PSMD4: variants seen among roughly 807,000 people sequenced by gnomAD.
PSMD4 encodes proteasome 26S subunit ubiquitin receptor, non-ATPase 4.
In PSMD4, 5 loss-of-function variants were observed where a neutral mutation model predicts 39.7. That is an observed-to-expected ratio of 0.13 (90% CI 0.07 to 0.26). PSMD4 has a LOEUF of 0.26. Ranked by LOEUF, PSMD4 falls within the 10% of genes least tolerant of loss-of-function variation. The pLI is 1.00. For missense variants in PSMD4, 272 were observed against 486.1 expected (o/e 0.56, Z 4.14); for synonymous variants, 143 against 174.6 (o/e 0.82, Z 1.43).
intron 3 of PSMD4, among the ~76,000 whole-genome samples, chr1:151,264,536 G>T (rs925683822): frequency 2.6e-5 from 4 of 151,740 alleles, no homozygotes; most frequent in Non-Finnish European, 5.9e-5. Flanking sequence ...GCTGGAACCC[G>T]GGAGGTGGAG....
At chr1:151,265,757 A>G in intron 6 of PSMD4, 148 bp downstream of exon 6, 2 of 970,604 alleles carry the variant, frequency 2.1e-6, no homozygotes, top group South Asian at 1.7e-5. Context: ...CCTCTTCCCT[A>G]TAATGCTGTC....
chr1:151,265,248 G>A lies in PSMD4; in HGVS notation c.438+14G>A, dbSNP rs764435166. 6.2e-7 allele frequency: 1 copy of A among 1,610,782 alleles called. No homozygotes were observed. Among genetic ancestry groups the A allele is most frequent in the Non-Finnish European group, 8.5e-7 (1 of 1,177,354 alleles). On this transcript the variant is annotated intron_variant, in intron 5 of 9. Coordinates refer to ENST00000368884, the MANE Select transcript of PSMD4 (RefSeq NM_002810.4). The stretch of plus-strand genomic sequence containing the variant: ...TTTGGGGAAGAGGTGAGTAGGGACT[G>A]ATTGGAGGGCATTGACTTAATTTGG...
At chr1:151,264,364 G>A (rs1693380777) in intron 3 of PSMD4, among the ~76,000 whole-genome samples, 1 of 151,450 alleles carries the variant, frequency 6.6e-6, no homozygotes. Flanking sequence ...AAAAGGCCGG[G>A]CGCGGTGGCT....
rs587615369 is a variant in PSMD4 at position 151,265,922 on chromosome 1, T to C, written c.655-82T>C. 257 of 1,481,044 alleles carry C rather than the reference T, an allele frequency of 1.7e-4. No individual in the cohort carries two copies. The African/African-American group carries it at 3.3e-3, about 19-fold the overall frequency. 91.7% of individuals were successfully genotyped at this position (1,481,044 alleles called of 1,614,324 possible). ...ACCAGAAGCTGCCCCTTTATGTTCC[T>C]TTCCCACACCCCAACTGACTTTCCC... On this transcript the variant is annotated intron_variant, in intron 6 of 9. Coordinates refer to ENST00000368884, the MANE Select transcript of PSMD4 (RefSeq NM_002810.4).
chr1:151,261,664 T>A (rs918190674), intron 1 of PSMD4, among the ~76,000 whole-genome samples: 1 of 151,926 alleles, frequency 6.6e-6, no homozygotes, highest in African/African-American at 2.4e-5. Context: ...ATTTAAAAAT[T>A]TTTTCGGCTG....
At chr1:151,256,197 A>C (rs1693161746) in intron 1 of PSMD4, among the ~76,000 whole-genome samples, 1 of 151,290 alleles carries the variant, frequency 6.6e-6, no homozygotes, top group Admixed American at 6.6e-5. Flanking sequence ...TACAAAAATT[A>C]GCCAGGCGTG....
chr1:151,266,735 C>T, intron 9 of PSMD4, 148 bp downstream of exon 9: 1 of 1,007,742 alleles, frequency 9.9e-7, no homozygotes, highest in Non-Finnish European at 1.5e-6. Context: ...GTAAACCTTG[C>T]TAAGGTAGCA....
intron 5 of PSMD4, 65 bp from the exon 6 acceptor site, chr1:151,265,329 G>A: frequency 6.3e-7 from 1 of 1,597,984 alleles, no homozygotes; most frequent in Non-Finnish European, 8.6e-7. Context: ...GCAGAGTAGT[G>A]CAGAAATGGG....
At chr1:151,263,293 G>A (rs1292469696) in intron 2 of PSMD4, among the ~76,000 whole-genome samples, 3 of 151,756 alleles carry the variant, frequency 2.0e-5, no homozygotes, top group African/African-American at 7.3e-5. Flanking sequence ...GCAAAACCCC[G>A]TCTCTACTAA....
chr1:151,263,183 G>A (rs760354486), intron 2 of PSMD4, among the ~76,000 whole-genome samples: 1 of 152,142 alleles, frequency 6.6e-6, no homozygotes, highest in Non-Finnish European at 1.5e-5. Flanking sequence ...AAGAATAGAG[G>A]CCAAGCACAG....
rs767912081 is a variant in PSMD4, at chr1:151,264,862, C to T, written c.313C>T (p.His105Tyr). ...TCTGAAGCACCGACAAGGCAAGAAT[C>T]ACAAGATGCGCATCATTGCCTTTGT... ...LALKHRQGKN[H>Y]KMRIIAFVGS... The change falls in exon 4 of 10, where the codon CAC becomes TAC. Residue 105 changes from histidine to tyrosine, a missense_variant. Around this residue, in one of 3 missense-constraint regions of PSMD4, gnomAD observed 153 missense variants for 257.6 expected, o/e 0.59. Coordinates refer to ENST00000368884, the MANE Select transcript of PSMD4 (RefSeq NM_002810.4). 2 of 1,613,712 alleles carry T rather than the reference C, an allele frequency of 1.2e-6. No homozygotes were observed. The highest frequency in any genetic ancestry group is 1.3e-5 in the African/African-American group (1 of 74,916).
In PSMD4 at chr1:151,265,175, C is replaced by A. The variant is rs1181428129; in HGVS notation, c.379C>A (p.Leu127Met). 3.7e-6 allele frequency: 6 copies of A among 1,612,116 alleles called. No homozygotes were observed. Among genetic ancestry groups the A allele is most frequent in the Non-Finnish European group, 5.1e-6 (6 of 1,179,392 alleles). ...CTCCCCTTCTTCCCAGCTGGTGAAA[C>A]TGGCTAAACGCCTCAAGAAGGAGAA... The part of the protein sequence containing the change: ...VEDNEKDLVK[L>M]AKRLKKEKVN... Residue 127 changes from leucine (L) to methionine (M), a missense_variant, in exon 5 of 10, where the codon CTG becomes ATG. By Grantham distance (15) the Leu-to-Met change is conservative. This residue lies in a region of PSMD4 where 153 missense variants were observed against 257.6 expected (regional missense o/e 0.59). Coordinates refer to ENST00000368884, the MANE Select transcript of PSMD4 (RefSeq NM_002810.4).
chr1:151,262,843 A>AT (rs1693344066), intron 2 of PSMD4: 1 of 154,448 alleles, frequency 6.5e-6, no homozygotes, highest in South Asian at 2.0e-4. Flanking sequence ...TCAAAAAAAA[A>AT]GAAAAAAGTA....
chr1:151,267,158 A>G lies in PSMD4; in HGVS notation c.964-15A>G, dbSNP rs587621040. 2 of 1,613,806 alleles carry G rather than the reference A, an allele frequency of 1.2e-6. No homozygotes were observed. Among genetic ancestry groups the G allele is most frequent in the Admixed American group, 1.7e-5 (1 of 59,998 alleles). On this transcript the variant is annotated splice_polypyrimidine_tract_variant and intron_variant, in intron 9 of 9. Coordinates refer to ENST00000368884, the MANE Select transcript of PSMD4 (RefSeq NM_002810.4). Reference sequence around the variant, plus strand: ...GCTCCATACCCTCCCTTGAGCTCACACTGCCTGTTTGCAGGAGGAGGATGA... The same window carrying G: ...GCTCCATACCCTCCCTTGAGCTCACGCTGCCTGTTTGCAGGAGGAGGATGA...
Position 151,266,606 on chromosome 1 carries a change from C to T in PSMD4, c.963+19C>T, listed in dbSNP as rs1485430897. 6.2e-7 allele frequency: 1 copy of T among 1,613,242 alleles called. No individual in the cohort carries two copies. The highest frequency in any genetic ancestry group is 8.5e-7 in the Non-Finnish European group (1 of 1,179,554). On this transcript the variant is annotated intron_variant, in intron 9 of 9. Coordinates refer to ENST00000368884, the MANE Select transcript of PSMD4 (RefSeq NM_002810.4). ...AGCCAAGGTGAGACCCAACCCTGCC[C>T]CCATCAGGTTTAAAGTCCTTGAATT... is the stretch of plus-strand genomic sequence containing the variant.
intron 1 of PSMD4, among the ~76,000 whole-genome samples, chr1:151,258,662 T>C (rs1693241718): frequency 6.6e-6 from 1 of 151,880 alleles, no homozygotes; most frequent in Non-Finnish European, 1.5e-5. Context: ...GGTTTTGTCA[T>C]ATTGATTAGG....
At chr1:151,266,484 G>A (rs1047126462) in intron 8 of PSMD4, 36 bp from the exon 9 acceptor site, 5 of 1,614,194 alleles carry the variant, frequency 3.1e-6, no homozygotes, top group Non-Finnish European at 4.2e-6. Flanking sequence ...TTGGGGTGAG[G>A]AAGTGTAACT....
Position 151,266,017 on chromosome 1 carries a change from C to G in PSMD4, c.668C>G (p.Ser223Cys). Reference protein sequence around the residue: ...DPELALALRVSMEEQRQRQEE... With the variant: ...DPELALALRVCMEEQRQRQEE... ...GCCCTTCACCAGGCCCTTCGTGTAT[C>G]TATGGAAGAGCAGCGGCAGCGGCAG... The change falls in exon 7 of 10, where the codon TCT becomes TGT. Residue 223 changes from serine (S) to cysteine (C), a missense_variant. By Grantham distance (112) the Ser-to-Cys change is moderately radical. Around this residue, in one of 3 missense-constraint regions of PSMD4, gnomAD observed 6 missense variants for 43.9 expected, o/e 0.14. Transcript: ENST00000368884. The G allele has an allele frequency of 6.2e-7, 1 of 1,602,456 alleles. No homozygotes were observed.
chr1:151,267,307 C>T lies in PSMD4; in HGVS notation c.1098C>T (p.Asp366=), dbSNP rs140075955. 162 of 1,613,698 alleles carry T rather than the reference C, an allele frequency of 1.0e-4. No individual in the cohort carries two copies. Among genetic ancestry groups the T allele is most frequent in the Non-Finnish European group, 1.2e-4 (143 of 1,179,820 alleles). Residue 366 remains aspartate (D), a synonymous_variant, in exon 10 of 10, where the codon GAC becomes GAT. Coordinates refer to ENST00000368884, the MANE Select transcript of PSMD4 (RefSeq NM_002810.4). The part of the protein sequence containing the change: ...MGSLASQATK[D]GKKDKKEEDK... The stretch of plus-strand genomic sequence containing the variant: ...CCCTGGCCTCCCAGGCCACCAAGGA[C>T]GGCAAGAAGGACAAGAAGGAGGAAG...
Sources: gnomAD v4.1 joint callset for allele counts (sites outside exome capture counted in the v4.1 genomes callset) on GRCh38, gnomAD v4.1.1 for gene constraint, gnomAD v4.1.1 regional missense constraint, MANE v1.5 for transcripts, NCBI Gene and HGNC (gene_info 2026-07-23, HGNC 2026-07-21) for gene names.